The following ERC2 variants were observed in gnomAD, a reference collection of about 807,000 sequenced individuals.
The protein encoded by ERC2 is ELKS/RAB6-interacting/CAST family member 2.
ERC2 carries 42 observed loss-of-function variants against 114.8 expected under a neutral mutation model. The observed-to-expected ratio is 0.37, with a 90% CI of 0.29 to 0.47. ERC2 has a LOEUF of 0.47. Ranked by LOEUF, ERC2 falls within the 20% of genes least tolerant of loss-of-function variation. ERC2 has a pLI of 0.99. For synonymous variants in ERC2, 454 were observed against 425.5 expected (o/e 1.07, Z -0.82); for missense variants, 939 against 1,150.7 (o/e 0.82, Z 2.66).
chr3:56,325,735 T>C (rs2057333441), intron 2 of ERC2, among the ~76,000 whole-genome samples: 1 of 152,206 alleles, frequency 6.6e-6, no homozygotes, highest in Non-Finnish European at 1.5e-5. Context: ...TAGGATCTTT[T>C]ATGCATTTTT....
chr3:56,166,435 T>C (rs1009146713), intron 4 of ERC2, among the ~76,000 whole-genome samples: 1 of 152,108 alleles, frequency 6.6e-6, no homozygotes, highest in Non-Finnish European at 1.5e-5. Flanking sequence ...AGTTTCTGTA[T>C]GATTGATTTC....
At chr3:56,396,847 C>A (rs1205734408) in intron 2 of ERC2, among the ~76,000 whole-genome samples, 2 of 151,912 alleles carry the variant, frequency 1.3e-5, no homozygotes, top group Non-Finnish European at 1.5e-5. Context: ...CAACTGTTTC[C>A]AATAACTAGG....
chr3:55,662,031 G>A (rs2061160682), intron 17 of ERC2, among the ~76,000 whole-genome samples: 1 of 152,138 alleles, frequency 6.6e-6, no homozygotes. Context: ...CTGAACTCCA[G>A]ATTTCAAACT....
chr3:56,002,856 G>C (rs922666354), intron 10 of ERC2, among the ~76,000 whole-genome samples: 6 of 152,106 alleles, frequency 3.9e-5, no homozygotes, highest in African/African-American at 1.4e-4. Flanking sequence ...TATAGTCTTT[G>C]GGCTGAGGTT....
chr3:55,997,655 C>T (rs552824569), intron 10 of ERC2, among the ~76,000 whole-genome samples: 1 of 149,664 alleles, frequency 6.7e-6, no homozygotes, highest in African/African-American at 2.4e-5. Context: ...AGATAACCTG[C>T]ATAGTGTTTC....
intron 3 of ERC2, among the ~76,000 whole-genome samples, chr3:56,241,503 A>G (rs2051319307): frequency 6.6e-6 from 1 of 152,186 alleles, no homozygotes; most frequent in African/African-American, 2.4e-5. Context: ...TCAAAGAACT[A>G]AAAATAAAAC....
chr3:56,127,012 T>A (rs2176637), intron 6 of ERC2, among the ~76,000 whole-genome samples: 95 of 151,902 alleles, frequency 6.3e-4, no homozygotes, highest in African/African-American at 2.2e-3. Context: ...AAAATCAGTA[T>A]CATTTATATA....
chr3:56,313,588 A>C (rs537101442), intron 2 of ERC2, among the ~76,000 whole-genome samples: 1 of 152,344 alleles, frequency 6.6e-6, no homozygotes, highest in Non-Finnish European at 1.5e-5. Context: ...GAATCAAAGC[A>C]GCAACTGTGA....
chr3:55,796,957 A>C (rs924536403), intron 14 of ERC2, among the ~76,000 whole-genome samples: 3 of 152,270 alleles, frequency 2.0e-5, no homozygotes, highest in Non-Finnish European at 4.4e-5. Flanking sequence ...TGTGAGAGCA[A>C]GTAACAGGCT....
chr3:56,366,303 A>G (rs1244532810), intron 2 of ERC2, among the ~76,000 whole-genome samples: 2 of 152,212 alleles, frequency 1.3e-5, no homozygotes, highest in Non-Finnish European at 2.9e-5. Flanking sequence ...TAAGGATGGC[A>G]GCAGCCTCTC....
intron 2 of ERC2, among the ~76,000 whole-genome samples, chr3:56,337,919 C>G (rs972046600): frequency 2.0e-5 from 3 of 152,074 alleles, no homozygotes; most frequent in Non-Finnish European, 4.4e-5. Context: ...GAATACCAAC[C>G]ACATGGTGCA....
intron 13 of ERC2, among the ~76,000 whole-genome samples, chr3:55,944,233 GCAAA>G (rs1377358732): frequency 6.6e-6 from 1 of 152,176 alleles, no homozygotes; most frequent in Non-Finnish European, 1.5e-5. Flanking sequence ...TCAGCCTTCG[GCAAA>G]CAAACATTCA....
intron 8 of ERC2, among the ~76,000 whole-genome samples, chr3:56,017,071 T>C (rs960924463): frequency 5.3e-5 from 8 of 152,172 alleles, no homozygotes; most frequent in African/African-American, 1.9e-4. Flanking sequence ...TTAACATTTC[T>C]TTTCTTGGTT....
intron 17 of ERC2, among the ~76,000 whole-genome samples, chr3:55,584,225 G>A (rs903139598): frequency 5.3e-5 from 8 of 152,172 alleles, no homozygotes; most frequent in Non-Finnish European, 1.2e-4. Flanking sequence ...TGAAGCCTGG[G>A]CCTGCCCCTT....
intron 6 of ERC2, among the ~76,000 whole-genome samples, chr3:56,106,132 G>A (rs1179075547): frequency 6.6e-5 from 10 of 152,196 alleles, no homozygotes; most frequent in Non-Finnish European, 1.2e-4. Context: ...CTTGATAGGT[G>A]TCTAGTTTCT....
intron 3 of ERC2, among the ~76,000 whole-genome samples, chr3:56,205,398 G>A (rs1315202935): frequency 6.6e-6 from 1 of 152,004 alleles, no homozygotes; most frequent in East Asian, 1.9e-4. Context: ...TACAATTTGG[G>A]TCACTGGAGT....
At chr3:55,565,745 G>T (rs2056326130) in intron 17 of ERC2, among the ~76,000 whole-genome samples, 1 of 152,204 alleles carries the variant, frequency 6.6e-6, no homozygotes. Context: ...TTGAAAACTT[G>T]CTAAATCATT....
chr3:55,726,697 G>T (rs932890250), intron 15 of ERC2, among the ~76,000 whole-genome samples: 14 of 152,146 alleles, frequency 9.2e-5, no homozygotes, highest in Admixed American at 8.5e-4. Flanking sequence ...TACATTACAT[G>T]CAACTTGTTA....
intron 3 of ERC2, among the ~76,000 whole-genome samples, chr3:56,197,914 A>T (rs1237500599): frequency 6.6e-6 from 1 of 152,256 alleles, no homozygotes; most frequent in African/African-American, 2.4e-5. Context: ...TTCAAGTATT[A>T]GGAGTCAGAA....
Sources: gnomAD v4.1 joint callset for allele counts (sites outside exome capture counted in the v4.1 genomes callset) on GRCh38, gnomAD v4.1.1 for gene constraint, MANE v1.5 for transcripts, NCBI Gene and HGNC (gene_info 2026-07-23, HGNC 2026-07-21) for gene names.